The following ZNF398 variants were observed in gnomAD, a reference collection of about 807,000 sequenced individuals.
The protein encoded by ZNF398 is zinc finger protein 398.
ZNF398 carries 18 observed loss-of-function variants against 41.9 expected under a neutral mutation model. That is an observed-to-expected ratio of 0.43 (90% CI 0.30 to 0.64). The LOEUF is 0.64. ZNF398 is among the 30% of genes least tolerant of loss of function. The pLI is 0.14. For synonymous variants in ZNF398, 260 were observed against 308.8 expected (o/e 0.84, Z 1.66); for missense variants, 669 against 822.8 (o/e 0.81, Z 2.29).
intron 4 of ZNF398, among the ~76,000 whole-genome samples, chr7:149,167,342 C>T (rs550596542): frequency 7.2e-5 from 11 of 152,324 alleles, no homozygotes; most frequent in Non-Finnish European, 1.6e-4. Flanking sequence ...ACACTGATGA[C>T]ATCCACCTGG....
chr7:149,135,467 G>A (rs868110263), intron 2 of ZNF398, among the ~76,000 whole-genome samples: 2 of 150,988 alleles, frequency 1.3e-5, no homozygotes, highest in Non-Finnish European at 3.0e-5. Flanking sequence ...CTATGAGGAC[G>A]CAAAGTCATA....
At chr7:149,144,361 AG>A (rs774224936), upstream of ZNF398, among the ~76,000 whole-genome samples, 16 of 152,108 alleles carry the variant, frequency 1.1e-4, no homozygotes, top group Non-Finnish European at 1.9e-4. Flanking sequence ...CCCAGGCTGG[AG>A]TGCAGTGGTA....
intron 2 of ZNF398, among the ~76,000 whole-genome samples, chr7:149,163,394 T>C (rs1795153290): frequency 1.4e-5 from 2 of 142,930 alleles, no homozygotes; most frequent in African/African-American, 5.2e-5. Context: ...TTTTTTGAGA[T>C]GGAGTTTTGC....
intron 2 of ZNF398, among the ~76,000 whole-genome samples, chr7:149,135,377 A>G (rs571088926): frequency 6.6e-4 from 91 of 137,774 alleles, no homozygotes; most frequent in African/African-American, 2.3e-3. Context: ...GTGACAGAGC[A>G]AGACTCTGTC....
At chr7:149,129,571 G>A (rs1826558099) in intron 2 of ZNF398, among the ~76,000 whole-genome samples, 1 of 151,602 alleles carries the variant, frequency 6.6e-6, no homozygotes, top group Admixed American at 6.6e-5. Context: ...GTAGACACAG[G>A]GTTTCACCAT....
At chr7:149,154,432 C>A (rs905277606) in intron 2 of ZNF398, 92 bp downstream of exon 2, 1 of 1,367,352 alleles carries the variant, frequency 7.3e-7, no homozygotes. Context: ...TTTTTATTTC[C>A]TTTTAAAGTT....
In ZNF398 at chr7:149,137,846, C is replaced by T. The variant is rs116036467; in HGVS notation, c.-490+8902C>T. ...TAGTTGTGAAAAACTGGAACCTAAA[C>T]GTATAAATAAGTCGGAAGCATCCAT... On this transcript the variant is annotated intron_variant, in intron 2 of 6. Transcript: ENST00000426851. Among the ~76,000 whole-genome samples the T allele has an allele frequency of 9.8e-3, 1,499 of 152,210 alleles. 30 individuals are homozygous for T. The highest frequency in any genetic ancestry group is 0.034 in the African/African-American group (1,403 of 41,544).
intron 2 of ZNF398, among the ~76,000 whole-genome samples, chr7:149,140,206 A>G (rs1202426413): frequency 2.6e-5 from 4 of 152,120 alleles, no homozygotes; most frequent in African/African-American, 7.2e-5. Context: ...AGTTACATAC[A>G]TTGACAGTAT....
At chr7:149,154,386 C>G in intron 2 of ZNF398, 46 bp downstream of exon 2, 1 of 1,522,660 alleles carries the variant, frequency 6.6e-7, no homozygotes, top group Non-Finnish European at 8.8e-7. Context: ...CTAGAACTTA[C>G]ATTAGTAGTA....
At chr7:149,159,375 C>T (rs369268119) in intron 2 of ZNF398, among the ~76,000 whole-genome samples, 71 of 151,796 alleles carry the variant, frequency 4.7e-4, no homozygotes, top group African/African-American at 1.5e-3. Flanking sequence ...CGGCTGGGCG[C>T]GGTGGCTCAC....
Position 149,154,274 on chromosome 7 carries a change from C to A in ZNF398, c.354C>A (p.Asn118Lys), listed in dbSNP as rs975130593. The A allele has an allele frequency of 6.2e-7, 1 of 1,614,036 alleles. No individual in the cohort carries two copies. The highest frequency in any genetic ancestry group is 8.5e-7 in the Non-Finnish European group (1 of 1,180,038). ...AGAGGCGGCTGGAGAACTTGGAGAA[C>A]CTGCTGCGCAACAGGAACTTCTGGA... ...LLQRRLENLE[N>K]LLRNRNFWIL... Residue 118 changes from asparagine to lysine, a missense_variant, in exon 2 of 6, where the codon AAC (asparagine) becomes AAA (lysine). Physicochemically the swap from Asn to Lys is moderately conservative, Grantham distance 94 (BLOSUM62 0). Coordinates refer to ENST00000475153, the MANE Select transcript of ZNF398 (RefSeq NM_170686.3).
chr7:149,152,629 C>T (rs1469010219), intron 1 of ZNF398, among the ~76,000 whole-genome samples: 3 of 149,986 alleles, frequency 2.0e-5, no homozygotes, highest in African/African-American at 7.4e-5. Flanking sequence ...TGCAATGATG[C>T]GATCTCGGCT....
At position 149,182,812 on chromosome 7, in the gene ZNF398, C is replaced by T. The variant is rs951673196; in HGVS notation, c.*3011C>T. On this transcript the variant is annotated 3_prime_UTR_variant, in exon 6 of 6. Transcript: ENST00000475153. ...TGTCTAGAAAGTGCAAGAAGATGGC[C>T]CTGCTCCTTTTCTGCTGAACATTTA... is the stretch of plus-strand genomic sequence containing the variant. 6.6e-6 allele frequency: 1 copy of T among 152,088 alleles called. No individual in the cohort carries two copies. The highest frequency in any genetic ancestry group is 1.5e-5 in the Non-Finnish European group (1 of 68,016). The allele number at this position is 152,088 out of a possible 1,614,324, so 9.4% of individuals were successfully genotyped here. A position where few individuals can be genotyped will look rare whatever the true frequency, so the allele number is the denominator to read the frequency against.
rs558112658 is a variant in ZNF398 at position 149,169,678 on chromosome 7, G to A, written c.661+2748G>A. The stretch of plus-strand genomic sequence containing the variant: ...TGTTGCCCGGGCTGGTTTTGAACTC[G>A]TGAACTCAAGTGATTCACCTGCTTC... On this transcript the variant is annotated intron_variant, in intron 4 of 5. Transcript: ENST00000475153. Among the ~76,000 whole-genome samples the A allele has an allele frequency of 7.9e-5, 12 of 152,078 alleles. 1 individual carries two copies. Among genetic ancestry groups the A allele is most frequent in the Admixed American group, 6.6e-4 (10 of 15,266 alleles).
At chr7:149,144,510 G>C (rs1334030827), upstream of ZNF398, among the ~76,000 whole-genome samples, 1 of 151,948 alleles carries the variant, frequency 6.6e-6, no homozygotes, top group Non-Finnish European at 1.5e-5. Flanking sequence ...GGTCCCACCA[G>C]GTTGCCCTGA....
intron 4 of ZNF398, among the ~76,000 whole-genome samples, chr7:149,174,548 G>C (rs1795422639): frequency 6.6e-6 from 1 of 152,144 alleles, no homozygotes; most frequent in South Asian, 2.1e-4. Context: ...TTTTTGGCTA[G>C]GCATGGTGGG....
At chr7:149,172,011 T>C (rs1473952799) in intron 4 of ZNF398, among the ~76,000 whole-genome samples, 1 of 152,148 alleles carries the variant, frequency 6.6e-6, no homozygotes, top group East Asian at 1.9e-4. Context: ...AGTGCATGAC[T>C]CCATGTGTCT....
chr7:149,129,252 AT>A (rs1387039945), intron 2 of ZNF398, among the ~76,000 whole-genome samples: 8 of 152,092 alleles, frequency 5.3e-5, no homozygotes, highest in Non-Finnish European at 8.8e-5. Context: ...TTCTGGTGAG[AT>A]TTTTATAGTT....
intron 2 of ZNF398, among the ~76,000 whole-genome samples, chr7:149,162,088 G>C (rs1052815816): frequency 1.3e-5 from 2 of 152,086 alleles, no homozygotes; most frequent in African/African-American, 4.8e-5. Context: ...GAGTGCAGTG[G>C]TGCTATCTTG....
Sources: gnomAD v4.1 joint callset for allele counts (sites outside exome capture counted in the v4.1 genomes callset) on GRCh38, gnomAD v4.1.1 for gene constraint, MANE v1.5 for transcripts, NCBI Gene and HGNC (gene_info 2026-07-23, HGNC 2026-07-21) for gene names.